The following CCDC7 variants were observed in gnomAD, a reference collection of about 807,000 sequenced individuals.
The protein encoded by CCDC7 is coiled-coil domain-containing protein 7.
CCDC7 carries 183 observed loss-of-function variants against 196.9 expected under a neutral mutation model. The observed-to-expected ratio is 0.93, with a 90% CI of 0.82 to 1.05. CCDC7 has a LOEUF of 1.05. Ranked by LOEUF, CCDC7 falls within the 50% of genes least tolerant of loss-of-function variation. CCDC7 has a pLI of 0.00. For missense variants in CCDC7, 1,540 were observed against 1,482.2 expected, an observed-to-expected ratio of 1.04 and a Z score of -0.64; for synonymous variants, 525 against 484.6, an observed-to-expected ratio of 1.08 and a Z score of -1.10.
chr10:32,855,730 C>T (rs921017171), intron 41 of CCDC7, among the ~76,000 whole-genome samples: 4 of 152,170 alleles, frequency 2.6e-5, no homozygotes, highest in African/African-American at 9.7e-5. Context: ...AGGCCACAGA[C>T]CAGGAGTTGG....
intron 8 of CCDC7, among the ~76,000 whole-genome samples, chr10:32,486,259 C>G (rs113886404): frequency 6.6e-6 from 1 of 151,976 alleles, no homozygotes; most frequent in East Asian, 1.9e-4. Context: ...TAATGGCCTT[C>G]TTTGTCTCTT....
At chr10:32,830,677 G>A (rs116616105) in intron 32 of CCDC7, among the ~76,000 whole-genome samples, 3 of 152,214 alleles carry the variant, frequency 2.0e-5, no homozygotes, top group African/African-American at 7.2e-5. Flanking sequence ...TTCTAGCGTT[G>A]ATAGTACAAT....
chr10:32,733,290 A>G (rs1264884892), intron 28 of CCDC7, among the ~76,000 whole-genome samples: 1 of 152,136 alleles, frequency 6.6e-6, no homozygotes, highest in Admixed American at 6.5e-5. Context: ...AAAACATGAG[A>G]GAAAATATTG....
In CCDC7 at chr10:32,525,283, T is replaced by A. The variant is rs140148629; in HGVS notation, c.993+6778T>A. ...AAGAAAAAAAAACCCAAATAGCCTGTCTTTAAGCTCAATAATTGTTTCTCT... is the reference window on the plus strand; with the variant it reads ...AAGAAAAAAAAACCCAAATAGCCTGACTTTAAGCTCAATAATTGTTTCTCT... On this transcript the variant is annotated intron_variant, in intron 11 of 41. Transcript: ENST00000639629. Among the ~76,000 whole-genome samples, 358 of 152,248 alleles carry A rather than the reference T, an allele frequency of 2.4e-3. 2 individuals are homozygous for A. Among genetic ancestry groups the A allele is most frequent in the African/African-American group, 8.2e-3 (340 of 41,536 alleles).
At chr10:32,610,996 A>T (rs2062064743) in intron 18 of CCDC7, among the ~76,000 whole-genome samples, 2 of 152,208 alleles carry the variant, frequency 1.3e-5, no homozygotes, top group Non-Finnish European at 2.9e-5. Context: ...AGGAATTGCC[A>T]CACTGTCTTC....
intron 21 of CCDC7, among the ~76,000 whole-genome samples, chr10:32,665,501 AG>A (rs2072471561): frequency 6.6e-6 from 1 of 152,070 alleles, no homozygotes; most frequent in Non-Finnish European, 1.5e-5. Context: ...TGTGAGATGA[AG>A]GTATAATTTT....
At chr10:32,509,844 T>C (rs2045836909) in intron 9 of CCDC7, among the ~76,000 whole-genome samples, 1 of 152,140 alleles carries the variant, frequency 6.6e-6, no homozygotes. Flanking sequence ...AAATAATACA[T>C]CATACTTGTT....
intron 9 of CCDC7, among the ~76,000 whole-genome samples, chr10:32,496,339 A>G (rs1252058967): frequency 6.6e-6 from 1 of 152,128 alleles, no homozygotes; most frequent in Non-Finnish European, 1.5e-5. Flanking sequence ...AAGAGAGACA[A>G]TTGACTTCCT....
In CCDC7 at chr10:32,848,725, A is replaced by G; in HGVS notation, c.3895+7A>G. On this transcript the variant is annotated splice_region_variant and intron_variant, in intron 39 of 41. Transcript: ENST00000639629. The stretch of plus-strand genomic sequence containing the variant: ...TCACCCTTTGAAAATAAAGGTAAAG[A>G]ATTATGTATGTAGATATGAATTCAG... 6.6e-7 allele frequency: 1 copy of G among 1,525,354 alleles called. No homozygotes were observed. Among genetic ancestry groups the G allele is most frequent in the Non-Finnish European group, 9.1e-7 (1 of 1,100,894 alleles). 94.5% of individuals were successfully genotyped at this position (1,525,354 alleles called of 1,614,324 possible). A position where few individuals can be genotyped will look rare whatever the true frequency, so the allele number is the denominator to read the frequency against.
intron 28 of CCDC7, among the ~76,000 whole-genome samples, chr10:32,746,799 A>C (rs568470935): frequency 2.4e-4 from 36 of 152,270 alleles, no homozygotes; most frequent in African/African-American, 8.2e-4. Flanking sequence ...GTCATTGTGC[A>C]CTAACTTTCA....
chr10:32,824,406 A>G (rs976087849), intron 31 of CCDC7, 112 bp from the exon 33 acceptor site: 2 of 584,892 alleles, frequency 3.4e-6, no homozygotes, highest in Non-Finnish European at 5.8e-6. Flanking sequence ...ACACTTTATT[A>G]TAATTCTACT....
chr10:32,850,544 C>T (rs1004962569), intron 39 of CCDC7, among the ~76,000 whole-genome samples: 2 of 152,064 alleles, frequency 1.3e-5, no homozygotes, highest in African/African-American at 4.8e-5. Context: ...ACACAGAGAC[C>T]GTCACTGAAA....
At chr10:32,503,288 T>A (rs1202720097) in intron 9 of CCDC7, among the ~76,000 whole-genome samples, 1 of 152,174 alleles carries the variant, frequency 6.6e-6, no homozygotes, top group Non-Finnish European at 1.5e-5. Context: ...GGGGTTCTGA[T>A]ATATGGATTT....
intron 41 of CCDC7, among the ~76,000 whole-genome samples, chr10:32,858,209 C>G (rs532290577): frequency 3.3e-5 from 5 of 152,248 alleles, no homozygotes; most frequent in African/African-American, 1.2e-4. Flanking sequence ...TTGAATACTA[C>G]GAAACATTCA....
rs1037102554 is a variant in CCDC7, at chr10:32,635,102, C to G, written c.1958C>G (p.Ser653Ter). The G allele has an allele frequency of 5.0e-6, 2 of 398,602 alleles. No homozygotes were observed. Among genetic ancestry groups the G allele is most frequent in the African/African-American group, 4.1e-5 (2 of 48,598 alleles). The allele number at this position is 398,602 out of a possible 1,614,324, so 24.7% of individuals were successfully genotyped here. A position where few individuals can be genotyped will look rare whatever the true frequency, so the allele number is the denominator to read the frequency against. The stretch of plus-strand genomic sequence containing the variant: ...TTGCCTGAGGACATGGTTTTAGTTT[C>G]AAGAATCCAATCTGAAACTAAAAAT... Residue 653 changes from serine to a stop codon, truncating the protein, a stop_gained, in exon 20 of 42, where the codon TCA becomes TGA. Coordinates refer to ENST00000639629, the Ensembl canonical transcript of CCDC7. LOFTEE classifies it high-confidence loss of function.
intron 2 of CCDC7, 54 bp downstream of exon 3, chr10:32,453,490 T>G (rs2033617417): frequency 2.5e-6 from 3 of 1,211,604 alleles, no homozygotes; most frequent in Non-Finnish European, 3.3e-6. Context: ...GGGTCGATTT[T>G]CTTTTTAAAA....
rs142178125 is a variant in CCDC7, at chr10:32,652,467, T to C, written c.2015-11587T>C. On this transcript the variant is annotated intron_variant, in intron 20 of 41. Coordinates refer to ENST00000639629, the Ensembl canonical transcript of CCDC7. ...TGATATTTTGTTGCTAATTTTACTG[T>C]TGTTTTGTAAATCTTCTCTTTCTTA... 7.0e-3 allele frequency among the ~76,000 whole-genome samples: 1,073 copies of C among 152,274 alleles called. 13 individuals are homozygous for C. The highest frequency in any genetic ancestry group is 0.025 in the African/African-American group (1,024 of 41,558).
At chr10:32,653,287 G>A (rs1256801680) in intron 20 of CCDC7, among the ~76,000 whole-genome samples, 3 of 152,044 alleles carry the variant, frequency 2.0e-5, no homozygotes, top group Admixed American at 1.3e-4. Flanking sequence ...TGTGAGCACT[G>A]GCCTAGAATC....
rs528391367 is a variant in CCDC7 at position 32,754,260 on chromosome 10, A to T, written c.2906-24717A>T. Among the ~76,000 whole-genome samples the T allele has an allele frequency of 3.9e-5, 6 of 152,298 alleles. No individual in the cohort carries two copies. The East Asian group carries it at 1.2e-3, about 29-fold the overall frequency. On this transcript the variant is annotated intron_variant, in intron 28 of 41. Transcript: ENST00000639629. Reference sequence around the variant, plus strand: ...GTGGCTAACACAAATTTGGCAAAGGAAAACAAAAACATTTCTATATATCCC... The same window carrying T: ...GTGGCTAACACAAATTTGGCAAAGGTAAACAAAAACATTTCTATATATCCC...
Sources: gnomAD v4.1 joint callset for allele counts (sites outside exome capture counted in the v4.1 genomes callset) on GRCh38, gnomAD v4.1.1 for gene constraint, MANE v1.5 for transcripts, NCBI Gene and HGNC (gene_info 2026-07-23, HGNC 2026-07-21) for gene names.